RNF180: variants seen among roughly 807,000 people sequenced by gnomAD.
The protein encoded by RNF180 is ring finger protein 180.
Under a neutral mutation model 59.2 loss-of-function variants are expected in RNF180, and 38 were observed. That is an observed-to-expected ratio of 0.64 (90% CI 0.50 to 0.84). The LOEUF is 0.84. Among genes scored for constraint, RNF180 ranks in the 40% least tolerant of loss-of-function variants. RNF180 has a pLI of 0.00. For synonymous variants in RNF180, 262 were observed against 240.3 expected (o/e 1.09, Z -0.84); for missense variants, 705 against 700.9 (o/e 1.01, Z -0.07).
chr5:64,212,161 G>T lies in RNF180; in HGVS notation c.231+1G>T. ...ATGGATAAGCTGCCTAATCCAAAAA[G>T]TAAGTTCTTAGTTTCTGAGTAAAAT... is the stretch of plus-strand genomic sequence containing the variant. On this transcript the variant is annotated splice_donor_variant, in intron 3 of 7. Transcript: ENST00000389100. LOFTEE classifies it high-confidence loss of function. The T allele has an allele frequency of 6.6e-7, 1 of 1,521,968 alleles. No homozygotes were observed. The highest frequency in any genetic ancestry group is 9.1e-7 in the Non-Finnish European group (1 of 1,096,382). The allele number at this position is 1,521,968 out of a possible 1,614,324, so 94.3% of individuals were successfully genotyped here. A position where few individuals can be genotyped will look rare whatever the true frequency, so the allele number is the denominator to read the frequency against.
In RNF180 at chr5:64,214,159, A is replaced by G. The variant is rs141510885; in HGVS notation, c.833A>G (p.Tyr278Cys). The G allele has an allele frequency of 5.0e-5, 80 of 1,614,152 alleles. No individual in the cohort carries two copies. The African/African-American group carries it at 5.3e-4, about 11-fold the overall frequency. ...GLPLQSSKNS[Y>C]SFQNPSSFDP... ...CCTTTACAATCTAGTAAAAATAGCT[A>G]TTCCTTTCAGAATCCATCCAGTTTT... Residue 278 changes from tyrosine to cysteine, a missense_variant, in exon 4 of 8, where the codon TAT (tyrosine) becomes TGT (cysteine). Physicochemically the swap from Tyr to Cys is radical, Grantham distance 194. Transcript: ENST00000389100.
intron 5 of RNF180, among the ~76,000 whole-genome samples, chr5:64,250,925 A>G (rs1034253440): frequency 2.0e-5 from 3 of 152,206 alleles, no homozygotes; most frequent in African/African-American, 2.4e-5. Context: ...CTACAGTCCA[A>G]TAAAGCTGAC....
chr5:64,232,364 T>G (rs963695576), intron 5 of RNF180, among the ~76,000 whole-genome samples: 1 of 152,190 alleles, frequency 6.6e-6, no homozygotes, highest in Non-Finnish European at 1.5e-5. Context: ...GTAAGTGTTA[T>G]AAGTCTGGGA....
rs533551726 is a variant in RNF180, at chr5:64,239,265, C to T, written c.1227+21869C>T. Among the ~76,000 whole-genome samples, 4 of 152,242 alleles carry T rather than the reference C, an allele frequency of 2.6e-5. No individual in the cohort carries two copies. In the South Asian group the frequency reaches 8.3e-4, roughly 32 times the overall value. On this transcript the variant is annotated intron_variant, in intron 5 of 7. Transcript: ENST00000389100. ...CACCTGAAAACTTGTTAGAAACATA[C>T]GTACCTACTGAATTATAATCTGCAT...
At chr5:64,173,372 C>T (rs1750046874) in intron 1 of RNF180, among the ~76,000 whole-genome samples, 1 of 151,898 alleles carries the variant, frequency 6.6e-6, no homozygotes. Flanking sequence ...ATATATTGTA[C>T]ATATTTGGGG....
At chr5:64,233,632 G>A (rs529362991) in intron 5 of RNF180, among the ~76,000 whole-genome samples, 31 of 152,264 alleles carry the variant, frequency 2.0e-4, no homozygotes, top group African/African-American at 7.5e-4. Context: ...AAACTGATAG[G>A]ATTGGGAGCT....
intron 5 of RNF180, among the ~76,000 whole-genome samples, chr5:64,219,058 C>T (rs1232882605): frequency 3.3e-5 from 5 of 152,110 alleles, no homozygotes. Context: ...GAGCAGAAAT[C>T]CTTGTCTTCT....
At chr5:64,325,111 A>T in intron 5 of RNF180, 75 bp from the exon 6 acceptor site, 1 of 907,568 alleles carries the variant, frequency 1.1e-6, no homozygotes, top group East Asian at 2.6e-5. Context: ...TGTTCATTTT[A>T]ACAAAATATA....
chr5:64,337,504 TC>T (rs1386099540), intron 7 of RNF180, among the ~76,000 whole-genome samples: 1 of 152,148 alleles, frequency 6.6e-6, no homozygotes, highest in African/African-American at 2.4e-5. Context: ...TTTTTTGCAA[TC>T]TTTTTTATTT....
intron 5 of RNF180, among the ~76,000 whole-genome samples, chr5:64,292,933 T>C (rs2112429831): frequency 6.6e-6 from 1 of 152,250 alleles, no homozygotes; most frequent in East Asian, 1.9e-4. Flanking sequence ...TGTGCTACAT[T>C]GTGGGCACTC....
At chr5:64,353,197 T>C (rs1745884653) in intron 7 of RNF180, among the ~76,000 whole-genome samples, 1 of 151,818 alleles carries the variant, frequency 6.6e-6, no homozygotes, top group African/African-American at 2.4e-5. Flanking sequence ...GTTTATTCTG[T>C]ATTCCATATT....
intron 5 of RNF180, among the ~76,000 whole-genome samples, chr5:64,312,731 C>A (rs902252293): frequency 4.6e-5 from 7 of 152,050 alleles, no homozygotes; most frequent in African/African-American, 1.7e-4. Flanking sequence ...GTACCAAAAT[C>A]ACAATACCAA....
intron 5 of RNF180, among the ~76,000 whole-genome samples, chr5:64,308,292 G>A (rs140654059): frequency 6.6e-6 from 1 of 151,610 alleles, no homozygotes; most frequent in Non-Finnish European, 1.5e-5. Context: ...GTAATCATTC[G>A]TTGACATGCA....
rs909970397 is a variant in RNF180, at chr5:64,259,781, C to T, written c.1227+42385C>T. Among the ~76,000 whole-genome samples the T allele has an allele frequency of 4.6e-5, 7 of 151,898 alleles. No individual in the cohort carries two copies. In the East Asian group the frequency reaches 7.8e-4, roughly 17 times the overall value. ...CTACTAAAATACAAAATTAGCCGGG[C>T]GTGGTGGTGCATGCCTATAATCCCA... On this transcript the variant is annotated intron_variant, in intron 5 of 7. Coordinates refer to ENST00000389100, the MANE Select transcript of RNF180 (RefSeq NM_001113561.2).
intron 5 of RNF180, among the ~76,000 whole-genome samples, chr5:64,314,520 A>T (rs986980821): frequency 6.6e-6 from 1 of 152,032 alleles, no homozygotes; most frequent in Non-Finnish European, 1.5e-5. Context: ...GTCAGTTCTT[A>T]TTACACCTTT....
intron 5 of RNF180, among the ~76,000 whole-genome samples, chr5:64,301,874 T>G (rs989622376): frequency 1.3e-5 from 2 of 151,638 alleles, no homozygotes; most frequent in African/African-American, 4.8e-5. Context: ...TGGCCCAGCT[T>G]GAAGGTTAAT....
intron 5 of RNF180, among the ~76,000 whole-genome samples, chr5:64,235,927 C>A (rs1163852635): frequency 6.6e-6 from 1 of 152,190 alleles, no homozygotes; most frequent in African/African-American, 2.4e-5. Flanking sequence ...ATTAAACATT[C>A]TTTCTTTACA....
chr5:64,192,939 A>ATATATATATAT (rs1554028955), intron 1 of RNF180, among the ~76,000 whole-genome samples: 166 of 135,216 alleles, frequency 1.2e-3, no homozygotes, highest in Middle Eastern at 3.8e-3. Flanking sequence ...ATATATATAT[A>ATATATATATAT]AAATGAAACA....
intron 5 of RNF180, among the ~76,000 whole-genome samples, chr5:64,277,844 T>A (rs1741811066): frequency 6.6e-6 from 1 of 152,146 alleles, no homozygotes; most frequent in Non-Finnish European, 1.5e-5. Flanking sequence ...AGCATACTTT[T>A]CCTTTGGTCT....
Sources: allele counts gnomAD v4.1 joint callset (sites outside exome capture counted in the v4.1 genomes callset), GRCh38; gene constraint gnomAD v4.1.1; transcripts MANE v1.5; gene names NCBI Gene and HGNC (gene_info 2026-07-23, HGNC 2026-07-21).